The following PRDM11 variants were observed in gnomAD, a reference collection of about 807,000 sequenced individuals.
PRDM11 encodes the protein PR domain-containing protein 11.
A neutral mutation model predicts 97.8 loss-of-function variants in PRDM11; 20 were observed. The observed-to-expected ratio is 0.20, with a 90% CI of 0.14 to 0.30. PRDM11 has a LOEUF of 0.30. Among genes scored for constraint, PRDM11 ranks in the 10% least tolerant of loss-of-function variants. The pLI is 1.00. For missense variants in PRDM11, 1,139 were observed against 1,555.2 expected (o/e 0.73, Z 4.50); for synonymous variants, 599 against 637.7 (o/e 0.94, Z 0.91).
chr11:45,113,114 G>A (rs181818656), intron 1 of PRDM11, among the ~76,000 whole-genome samples: 2 of 152,280 alleles, frequency 1.3e-5, no homozygotes, highest in Admixed American at 1.3e-4. Flanking sequence ...GATCCACCAT[G>A]AATCGATTTT....
chr11:45,212,605 G>A (rs1014536266), intron 5 of PRDM11: 23 of 456,360 alleles, frequency 5.0e-5, no homozygotes, highest in Non-Finnish European at 9.3e-5. Context: ...AGTCTGAGAC[G>A]GTGGGCCCCA....
chr11:45,189,780 T>C (rs1369072172), intron 4 of PRDM11, among the ~76,000 whole-genome samples: 1 of 152,174 alleles, frequency 6.6e-6, no homozygotes, highest in Non-Finnish European at 1.5e-5. Context: ...AGTGCTTAGC[T>C]AGATGAAATA....
chr11:45,148,180 A>G (rs547292987), intron 1 of PRDM11, among the ~76,000 whole-genome samples: 67 of 152,276 alleles, frequency 4.4e-4, no homozygotes, highest in Middle Eastern at 3.4e-3. Context: ...CCTTCTGGGA[A>G]TAGAGCCCAG....
chr11:45,142,074 A>G (rs553543741), upstream of PRDM11, among the ~76,000 whole-genome samples: 1 of 152,354 alleles, frequency 6.6e-6, no homozygotes, highest in Admixed American at 6.5e-5. Context: ...GAGATGGTTT[A>G]TGAGCATGCC....
At chr11:45,129,402 G>T (rs773248941) in intron 1 of PRDM11, among the ~76,000 whole-genome samples, 37 of 151,810 alleles carry the variant, frequency 2.4e-4, no homozygotes, top group Non-Finnish European at 4.7e-4. Flanking sequence ...AATTCAAAAG[G>T]GTCTATAAAC....
At chr11:45,103,372 T>C (rs1422874910) in intron 1 of PRDM11, among the ~76,000 whole-genome samples, 1 of 151,898 alleles carries the variant, frequency 6.6e-6, no homozygotes, top group Non-Finnish European at 1.5e-5. Flanking sequence ...AGGAGGAAGA[T>C]GAGAGGGAGA....
rs1334612108 is a variant in PRDM11 at position 45,224,248 on chromosome 11, G to A, written c.774G>A (p.Glu258=). 13 of 1,606,828 alleles carry A rather than the reference G, an allele frequency of 8.1e-6. No homozygotes were observed. The highest frequency in any genetic ancestry group is 1.0e-5 in the Non-Finnish European group (12 of 1,177,232). Residue 258 remains glutamate (E), a synonymous_variant, in exon 7 of 8, where the codon GAG becomes GAA. Coordinates refer to ENST00000683152, the MANE Select transcript of PRDM11 (RefSeq NM_001384648.1). ...GEKRLQREKS[E]QVLDNPEDLR... The stretch of plus-strand genomic sequence containing the variant: ...AGAGGTTGCAGAGGGAGAAGTCTGA[G>A]CAGGTTCTGGATAACCCAGAAGACC...
intron 5 of PRDM11, chr11:45,214,577 T>C (rs940621065): frequency 3.3e-5 from 5 of 152,166 alleles, no homozygotes; most frequent in African/African-American, 9.7e-5. Flanking sequence ...CTGTGGTTCT[T>C]TGGGGGTTCC....
chr11:45,213,837 C>G (rs1283621050), intron 5 of PRDM11: 8 of 419,578 alleles, frequency 1.9e-5, no homozygotes, highest in Admixed American at 1.8e-4. Flanking sequence ...ATCGGTTTTC[C>G]CAGCTCCCCT....
At position 45,219,382 on chromosome 11, in the gene PRDM11, G is replaced by A. The variant is rs957555347; in HGVS notation, c.555-188G>A. Among the ~76,000 whole-genome samples, 1 of 152,192 alleles carries A rather than the reference G, an allele frequency of 6.6e-6. No individual in the cohort carries two copies. The highest frequency in any genetic ancestry group is 1.5e-5 in the Non-Finnish European group (1 of 68,038). ...GCTTGAGGTCCCACAACACGGTGAC[G>A]TTGGGACAGGGATGGGTTCTGGCTG... On this transcript the variant is annotated intron_variant, in intron 5 of 7. Coordinates refer to ENST00000683152, the MANE Select transcript of PRDM11 (RefSeq NM_001384648.1). This position sits in a 1 kb window ranked among gnomAD's most constrained non-coding sequence, Gnocchi z 4.2.
In PRDM11 at chr11:45,183,113, TCTC is replaced by T. The variant is rs771454781; in HGVS notation, c.479_481del (p.Ser160del). Reference sequence around the variant, plus strand: ...ACCCAGGACAAATCAGCTGGCTTCTTCTCCTGGCTGGTGAGTGTGCCCTGGGCT... The same window carrying T: ...ACCCAGGACAAATCAGCTGGCTTCTTCTGGCTGGTGAGTGTGCCCTGGGCT... On this transcript the variant is annotated inframe_deletion, in exon 4 of 8. Coordinates refer to ENST00000683152, the MANE Select transcript of PRDM11 (RefSeq NM_001384648.1). 1 of 1,612,784 alleles carries T rather than the reference TCTC, an allele frequency of 6.2e-7. No homozygotes were observed. Among genetic ancestry groups the T allele is most frequent in the Admixed American group, 1.7e-5 (1 of 59,886 alleles).
At chr11:45,122,443 A>ACT (rs1383637689) in intron 1 of PRDM11, among the ~76,000 whole-genome samples, 3 of 149,842 alleles carry the variant, frequency 2.0e-5, no homozygotes, top group Non-Finnish European at 4.5e-5. Context: ...GCACCCATTA[A>ACT]CTCGTCATTT....
chr11:45,168,569 G>A (rs1165637806), intron 1 of PRDM11, among the ~76,000 whole-genome samples: 1 of 152,144 alleles, frequency 6.6e-6, no homozygotes, highest in Admixed American at 6.5e-5. Context: ...GTCTAGAAAG[G>A]TGGGGCTTGG....
Position 45,228,857 on chromosome 11 carries a change from G to A in PRDM11, c.*698G>A, listed in dbSNP as rs987703360. ...TGCCACACCTCACCTCTGTTGCCTCGTCCATCCCTGGGTTGTGGATCCCTT... is the reference window on the plus strand; with the variant it reads ...TGCCACACCTCACCTCTGTTGCCTCATCCATCCCTGGGTTGTGGATCCCTT... On this transcript the variant is annotated 3_prime_UTR_variant, in exon 8 of 8. Coordinates refer to ENST00000683152, the MANE Select transcript of PRDM11 (RefSeq NM_001384648.1). The A allele has an allele frequency of 9.2e-5, 14 of 151,960 alleles. No individual in the cohort carries two copies. The highest frequency in any genetic ancestry group is 3.2e-4 in the African/African-American group (13 of 41,216). The allele number at this position is 151,960 out of a possible 1,614,324, so 9.4% of individuals were successfully genotyped here. A position where few individuals can be genotyped will look rare whatever the true frequency, so the allele number is the denominator to read the frequency against.
Position 45,219,604 on chromosome 11 carries a change from A to G in PRDM11, c.589A>G (p.Asn197Asp). The change falls in exon 6 of 8, where the codon AAC becomes GAC. Residue 197 changes from asparagine to aspartate, a missense_variant. Around this residue, in one of 2 missense-constraint regions of PRDM11, gnomAD observed 429 missense variants for 510.3 expected, o/e 0.84. Coordinates refer to ENST00000683152, the MANE Select transcript of PRDM11 (RefSeq NM_001384648.1). The surrounding 1 kb of genome is among the most constrained non-coding windows in gnomAD (Gnocchi z 4.2). ...CATCTCCCGGGAGGAGAGGGAGCAG[A>G]ACCTGCTGGCGTTCCAGCACAGTGA... is the stretch of plus-strand genomic sequence containing the variant. ...VVISREEREQ[N>D]LLAFQHSERI... 1 of 1,614,136 alleles carries G rather than the reference A, an allele frequency of 6.2e-7. No homozygotes were observed. The highest frequency in any genetic ancestry group is 8.5e-7 in the Non-Finnish European group (1 of 1,180,014).
At chr11:45,174,691 C>G (rs190752866) in intron 1 of PRDM11, among the ~76,000 whole-genome samples, 26 of 152,304 alleles carry the variant, frequency 1.7e-4, no homozygotes, top group Non-Finnish European at 3.8e-4. Flanking sequence ...TTGGAATTAT[C>G]TTCTTTAGCA....
chr11:45,200,005 T>A (rs1853271210), intron 4 of PRDM11, among the ~76,000 whole-genome samples: 1 of 152,240 alleles, frequency 6.6e-6, no homozygotes, highest in Admixed American at 6.5e-5. Flanking sequence ...GTGGCCTCTC[T>A]TCTGCGTCCC....
chr11:45,177,216 G>A (rs1478131790), intron 1 of PRDM11, among the ~76,000 whole-genome samples: 1 of 152,216 alleles, frequency 6.6e-6, no homozygotes, highest in African/African-American at 2.4e-5. Flanking sequence ...AGACTCCTGG[G>A]CTGCATTCTG....
chr11:45,121,508 C>T (rs1337509901), intron 1 of PRDM11, among the ~76,000 whole-genome samples: 1 of 151,792 alleles, frequency 6.6e-6, no homozygotes, highest in African/African-American at 2.4e-5. Flanking sequence ...AGATTTAACA[C>T]ACTTCTCTCA....
Sources: gnomAD v4.1 joint callset for allele counts (sites outside exome capture counted in the v4.1 genomes callset) on GRCh38, gnomAD v4.1.1 for gene constraint, gnomAD v4.1.1 regional missense constraint, Gnocchi (gnomAD v3.1) non-coding constraint, MANE v1.5 for transcripts, NCBI Gene and HGNC (gene_info 2026-07-23, HGNC 2026-07-21) for gene names.